Variants in MALRD1 observed in about 807,000 individuals in gnomAD.
MALRD1 encodes MAM and LDL-receptor class A domain-containing protein 1.
In MALRD1, 247 loss-of-function variants were observed where a neutral mutation model predicts 242.1. That is an observed-to-expected ratio of 1.02 (90% CI 0.92 to 1.13). The LOEUF (loss-of-function observed/expected upper bound fraction) is 1.13, where lower values mean the gene tolerates loss of function less well. MALRD1 is among the 50% of genes most tolerant of loss of function. MALRD1 has a pLI of 0.00. For missense variants in MALRD1, 2,989 were observed against 2,533.1 expected (o/e 1.18, Z -3.86); for synonymous variants, 995 against 866.6 (o/e 1.15, Z -2.60).
At chr10:19,456,780 T>TTTA (rs1554775847) in intron 29 of MALRD1, among the ~76,000 whole-genome samples, 1 of 147,296 alleles carries the variant, frequency 6.8e-6, no homozygotes, top group Non-Finnish European at 1.5e-5. Flanking sequence ...TATTTATTTA[T>TTTA]TTATTTATTT....
At chr10:19,563,048 A>T (rs1836069291) in intron 32 of MALRD1, among the ~76,000 whole-genome samples, 1 of 152,158 alleles carries the variant, frequency 6.6e-6, no homozygotes, top group Admixed American at 6.5e-5. Flanking sequence ...GTGTGTGAAG[A>T]CTGGATCAAT....
chr10:19,124,503 A>G, intron 6 of MALRD1, 21 bp from the exon 7 acceptor site: 1 of 1,233,686 alleles, frequency 8.1e-7, no homozygotes. Context: ...TAGTCCACCA[A>G]GATCTTTTTC....
intron 18 of MALRD1, among the ~76,000 whole-genome samples, chr10:19,247,113 A>G (rs911214447): frequency 6.6e-6 from 1 of 152,128 alleles, no homozygotes; most frequent in African/African-American, 2.4e-5. Context: ...CAGCTAGTCT[A>G]CATAGTGCCT....
chr10:19,613,014 A>G (rs576830987), intron 35 of MALRD1, among the ~76,000 whole-genome samples: 2 of 152,024 alleles, frequency 1.3e-5, no homozygotes, highest in Admixed American at 6.6e-5. Flanking sequence ...TTCAATACGT[A>G]TTGCTTACAT....
chr10:19,468,831 A>C (rs1385143422), intron 29 of MALRD1, among the ~76,000 whole-genome samples: 3 of 152,092 alleles, frequency 2.0e-5, no homozygotes, highest in Non-Finnish European at 4.4e-5. Context: ...TGGTTCTGAT[A>C]CTAATGTTAC....
chr10:19,474,119 T>TG (rs1554780155), intron 29 of MALRD1, among the ~76,000 whole-genome samples: 1 of 151,890 alleles, frequency 6.6e-6, no homozygotes, highest in African/African-American at 2.4e-5. Context: ...TATTGGACAT[T>TG]TGTGTATGTT....
At chr10:19,227,226 C>A (rs904410128) in intron 18 of MALRD1, among the ~76,000 whole-genome samples, 1 of 151,650 alleles carries the variant, frequency 6.6e-6, no homozygotes, top group African/African-American at 2.4e-5. Flanking sequence ...GGAAAACTTT[C>A]CAAATTTCAA....
intron 28 of MALRD1, among the ~76,000 whole-genome samples, chr10:19,438,755 G>A (rs2130974582): frequency 6.6e-6 from 1 of 152,298 alleles, no homozygotes; most frequent in South Asian, 2.1e-4. Context: ...AAGCTATTGG[G>A]TTCTCTTGAG....
At chr10:19,238,573 T>C (rs1564493064) in intron 18 of MALRD1, among the ~76,000 whole-genome samples, 1 of 118,416 alleles carries the variant, frequency 8.4e-6, no homozygotes, top group African/African-American at 3.3e-5. Flanking sequence ...ATAATATACA[T>C]AATGTATATT....
At chr10:19,357,441 G>A (rs1160845889) in intron 26 of MALRD1, among the ~76,000 whole-genome samples, 3 of 151,906 alleles carry the variant, frequency 2.0e-5, no homozygotes, top group Admixed American at 2.0e-4. Flanking sequence ...TTTAGGTGGT[G>A]TAAACATTTG....
intron 31 of MALRD1, among the ~76,000 whole-genome samples, chr10:19,514,107 A>G (rs931921714): frequency 1.3e-5 from 2 of 152,214 alleles, no homozygotes; most frequent in Admixed American, 1.3e-4. Context: ...ACAATGAACT[A>G]TCTACAGATG....
intron 28 of MALRD1, among the ~76,000 whole-genome samples, chr10:19,414,504 G>T (rs1045142471): frequency 3.3e-5 from 5 of 152,150 alleles, no homozygotes; most frequent in African/African-American, 9.7e-5. Flanking sequence ...AGAAAATGAT[G>T]AATTGGTTTT....
chr10:19,568,161 A>C (rs1356801287), intron 33 of MALRD1, among the ~76,000 whole-genome samples: 1 of 152,146 alleles, frequency 6.6e-6, no homozygotes, highest in Non-Finnish European at 1.5e-5. Flanking sequence ...AGAAAAAAAA[A>C]GTTCTATTCT....
chr10:19,419,504 T>A (rs1833639626), intron 28 of MALRD1, among the ~76,000 whole-genome samples: 1 of 152,052 alleles, frequency 6.6e-6, no homozygotes, highest in Admixed American at 6.6e-5. Flanking sequence ...GGTTGCACTG[T>A]CTCTACTAAA....
At chr10:19,590,807 C>T (rs138057856) in intron 33 of MALRD1, among the ~76,000 whole-genome samples, 28 of 152,202 alleles carry the variant, frequency 1.8e-4, no homozygotes, top group African/African-American at 6.3e-4. Flanking sequence ...TCCCTGCCCC[C>T]ACCCTCATAG....
intron 5 of MALRD1, among the ~76,000 whole-genome samples, chr10:19,113,858 T>C (rs935510832): frequency 6.7e-6 from 1 of 149,608 alleles, no homozygotes; most frequent in African/African-American, 2.5e-5. Flanking sequence ...CACATGTGTA[T>C]TGATTTATCT....
chr10:19,595,262 G>GTACACAT lies in MALRD1; in HGVS notation c.5750_5751insACACATT (p.Pro1918HisfsTer9). The GTACACAT allele has an allele frequency of 6.4e-7, 1 of 1,550,614 alleles. No individual in the cohort carries two copies. Among genetic ancestry groups the GTACACAT allele is most frequent in the Non-Finnish European group, 8.7e-7 (1 of 1,146,928 alleles). ...TTCTTGTATCTACACACTCCAATGTGTCCCTCTCTCAGGGAAATGTGATGG... is the reference window on the plus strand; with the variant it reads ...TTCTTGTATCTACACACTCCAATGTGTACACATTCCCTCTCTCAGGGAAATGTGATGG... On this transcript the variant is annotated frameshift_variant, in exon 34 of 40. Coordinates refer to ENST00000454679, the MANE Select transcript of MALRD1 (RefSeq NM_001142308.3). LOFTEE classifies it high-confidence loss of function.
chr10:19,050,251 C>A (rs1834449473), intron 1 of MALRD1, among the ~76,000 whole-genome samples: 1 of 150,684 alleles, frequency 6.6e-6, no homozygotes, highest in Non-Finnish European at 1.5e-5. Flanking sequence ...CTACGCCCGG[C>A]TAATTTTTTG....
At chr10:19,295,196 AATTATT>A (rs934949762) in intron 21 of MALRD1, among the ~76,000 whole-genome samples, 1 of 150,602 alleles carries the variant, frequency 6.6e-6, no homozygotes, top group Non-Finnish European at 1.5e-5. Flanking sequence ...ATTTTGTGTT[AATTATT>A]ATTATTATAA....
Sources: gnomAD v4.1 joint callset for allele counts (sites outside exome capture counted in the v4.1 genomes callset) on GRCh38, gnomAD v4.1.1 for gene constraint, MANE v1.5 for transcripts, NCBI Gene and HGNC (gene_info 2026-07-23, HGNC 2026-07-21) for gene names.